RNF121: variants seen among roughly 807,000 people sequenced by gnomAD.
The protein encoded by RNF121 is ring finger protein 121, also known as E3 ubiquitin ligase RNF121.
A neutral mutation model predicts 46.5 loss-of-function variants in RNF121; 21 were observed. The ratio of observed to expected loss-of-function variants is 0.45; its 90% CI spans 0.32 to 0.65. The LOEUF (loss-of-function observed/expected upper bound fraction) is 0.65. Ranked by LOEUF, RNF121 falls within the 30% of genes least tolerant of loss-of-function variation. RNF121 has a pLI of 0.04. For synonymous variants in RNF121, 139 were observed against 144.7 expected (o/e 0.96, Z 0.28); for missense variants, 346 against 416.0 (o/e 0.83, Z 1.46).
intron 3 of RNF121, among the ~76,000 whole-genome samples, chr11:71,979,518 T>C (rs1389013355): frequency 2.0e-5 from 3 of 152,234 alleles, no homozygotes; most frequent in Non-Finnish European, 4.4e-5. Context: ...ATGTAGTTTT[T>C]TCATCCTAAA....
In RNF121 at chr11:71,929,149, G is replaced by C. The variant is rs999675852; in HGVS notation, c.63+25G>C. The C allele has an allele frequency of 2.6e-6, 4 of 1,548,796 alleles. No homozygotes were observed. The African/African-American group carries it at 4.1e-5, about 16-fold the overall frequency. On this transcript the variant is annotated intron_variant, in intron 1 of 8. Coordinates refer to ENST00000361756, the MANE Select transcript of RNF121 (RefSeq NM_018320.5). Reference sequence around the variant, plus strand: ...GGTAAGCGGAGTTGAGAGACGAGGAGAGACTCAACCTGAGACTGAGGGGAG... The same window carrying C: ...GGTAAGCGGAGTTGAGAGACGAGGACAGACTCAACCTGAGACTGAGGGGAG...
In RNF121 at chr11:71,953,043, A is replaced by AT. The variant is rs1191601130; in HGVS notation, c.64-4177dup. On this transcript the variant is annotated intron_variant, in intron 1 of 8. Transcript: ENST00000361756. ...TTGTACAGAATAGTACATTTTATTT[A>AT]TTTTTTTAGAGACAGGGTCTTGCAC... is the stretch of plus-strand genomic sequence containing the variant. Among the ~76,000 whole-genome samples the AT allele has an allele frequency of 2.6e-5, 4 of 152,186 alleles. No homozygotes were observed. In the South Asian group the frequency reaches 8.3e-4, roughly 32 times the overall value.
At chr11:71,948,480 A>T (rs1705955202) in intron 1 of RNF121, among the ~76,000 whole-genome samples, 1 of 127,434 alleles carries the variant, frequency 7.8e-6, no homozygotes, top group Non-Finnish European at 1.6e-5. Context: ...GCGCCACTGC[A>T]CTCCAGCCTG....
intron 1 of RNF121, among the ~76,000 whole-genome samples, chr11:71,937,375 C>T (rs533301364): frequency 5.9e-5 from 9 of 152,022 alleles, no homozygotes; most frequent in Non-Finnish European, 1.2e-4. Context: ...GGCTGGAGTG[C>T]GACCTTGGCT....
chr11:71,967,816 TTAAG>T (rs537924933), intron 3 of RNF121, among the ~76,000 whole-genome samples: 373 of 152,222 alleles, frequency 2.5e-3, no homozygotes, highest in Middle Eastern at 0.01. Context: ...GTTTACATTA[TTAAG>T]TATTATATGT....
chr11:71,949,656 T>G (rs1953815125), intron 1 of RNF121, among the ~76,000 whole-genome samples: 1 of 151,938 alleles, frequency 6.6e-6, no homozygotes, highest in South Asian at 2.1e-4. Flanking sequence ...ACCAAGGTTG[T>G]GCCACTGCAC....
chr11:71,933,210 T>C (rs1188622360), intron 1 of RNF121, among the ~76,000 whole-genome samples: 1 of 152,178 alleles, frequency 6.6e-6, no homozygotes, highest in African/African-American at 2.4e-5. Context: ...AAAAAAGCAC[T>C]TCAATACCCA....
At chr11:71,948,848 C>A (rs1354765857) in intron 1 of RNF121, among the ~76,000 whole-genome samples, 1 of 152,136 alleles carries the variant, frequency 6.6e-6, no homozygotes, top group Non-Finnish European at 1.5e-5. Context: ...GCCTGTGAAC[C>A]TTTGGACTTC....
At chr11:71,967,629 G>T (rs114399122) in intron 3 of RNF121, among the ~76,000 whole-genome samples, 1,760 of 151,962 alleles carry the variant, frequency 0.012, 32 homozygotes, top group African/African-American at 0.04. Flanking sequence ...CACCATGTTG[G>T]CCAGGATAGT....
At chr11:71,981,412 A>G (rs1954654425) in intron 3 of RNF121, among the ~76,000 whole-genome samples, 1 of 151,962 alleles carries the variant, frequency 6.6e-6, no homozygotes, top group South Asian at 2.1e-4. Flanking sequence ...TCCTCTCTAT[A>G]TCTCTCTTTT....
At chr11:71,974,994 A>G (rs900275378) in intron 3 of RNF121, among the ~76,000 whole-genome samples, 4 of 152,222 alleles carry the variant, frequency 2.6e-5, no homozygotes, top group Admixed American at 6.5e-5. Flanking sequence ...TTATGCCTGG[A>G]AAAGTATCCA....
chr11:71,958,832 T>C (rs1438041177), intron 2 of RNF121, among the ~76,000 whole-genome samples: 1 of 152,236 alleles, frequency 6.6e-6, no homozygotes, highest in Non-Finnish European at 1.5e-5. Flanking sequence ...AAATGATTTT[T>C]GCATTGGGTG....
intron 7 of RNF121, chr11:71,995,240 T>C (rs1280481985): frequency 6.7e-6 from 4 of 595,018 alleles, no homozygotes; most frequent in Non-Finnish European, 1.2e-5. Flanking sequence ...GGGAAAGCCA[T>C]GTATTGTCTC....
In RNF121 at chr11:71,995,447, C is replaced by T. The variant is rs200467525; in HGVS notation, c.762-3C>T. On this transcript the variant is annotated splice_polypyrimidine_tract_variant and splice_region_variant and intron_variant, in intron 7 of 8. Coordinates refer to ENST00000361756, the MANE Select transcript of RNF121 (RefSeq NM_018320.5). ...ACCATTTCCCTTGACCAGCGGTGCT[C>T]AGCTTCCACGAGTTCTGCATCCGTG... 3 of 1,572,420 alleles carry T rather than the reference C, an allele frequency of 1.9e-6. No individual in the cohort carries two copies. Among genetic ancestry groups the T allele is most frequent in the Admixed American group, 1.8e-5 (1 of 54,450 alleles).
At chr11:71,996,159 CT>C (rs778370862) in intron 8 of RNF121, 35 bp from the exon 9 acceptor site, 1 of 1,612,712 alleles carries the variant, frequency 6.2e-7, no homozygotes, top group Admixed American at 1.7e-5. Flanking sequence ...CCTGGCAGCT[CT>C]TGCACAGAGT....
chr11:71,945,807 T>A (rs1331691053), intron 1 of RNF121, among the ~76,000 whole-genome samples: 2 of 141,180 alleles, frequency 1.4e-5, no homozygotes, highest in East Asian at 2.1e-4. Flanking sequence ...ATAAAAAAAA[T>A]AACCTAGTAA....
chr11:71,929,430 G>A (rs977390673), intron 1 of RNF121, among the ~76,000 whole-genome samples: 4 of 152,062 alleles, frequency 2.6e-5, no homozygotes, highest in African/African-American at 4.8e-5. Flanking sequence ...TAGGACCGAA[G>A]GGCTAAGAGG....
At chr11:71,939,322 T>C (rs10736781) in intron 1 of RNF121, 135,075 of 169,100 alleles carry the variant, frequency 0.8, 57,221 homozygotes, top group Non-Finnish European at 0.94. Context: ...GCACACTTAC[T>C]GACTCCACAG....
intron 6 of RNF121, among the ~76,000 whole-genome samples, chr11:71,994,083 G>A (rs1939241): frequency 0.92 from 140,522 of 152,108 alleles, 65,146 homozygotes; most frequent in Non-Finnish European, 0.98. Flanking sequence ...CTCGTGATCC[G>A]CCCTCCTTGG....
Sources: gnomAD v4.1 joint callset for allele counts (sites outside exome capture counted in the v4.1 genomes callset) on GRCh38, gnomAD v4.1.1 for gene constraint, MANE v1.5 for transcripts, NCBI Gene and HGNC (gene_info 2026-07-23, HGNC 2026-07-21) for gene names.